Variants in NCEH1 observed in about 807,000 individuals in gnomAD.
NCEH1 encodes the protein 2-acetyl MAGE hydrolase.
Under a neutral mutation model 25.4 loss-of-function variants are expected in NCEH1, and 9 were observed. That is an observed-to-expected ratio of 0.35 (90% CI 0.21 to 0.62). The LOEUF is 0.62. NCEH1 is among the 20% of genes least tolerant of loss of function. The pLI is 0.72. For missense variants in NCEH1, 412 were observed against 501.1 expected, an observed-to-expected ratio of 0.82 and a Z score of 1.70; for synonymous variants, 200 against 199.8, an observed-to-expected ratio of 1.00 and a Z score of -0.01.
At chr3:172,674,443 CAAAAAAAAAAAAAA>C (rs146923940) in intron 1 of NCEH1, among the ~76,000 whole-genome samples, 2 of 71,038 alleles carry the variant, frequency 2.8e-5, no homozygotes, top group Non-Finnish European at 5.9e-5. Context: ...ACTCTGTCTC[CAAAAAAAAAAAAAA>C]AAAAAAAAAG....
At chr3:172,710,717 TCA>T in intron 1 of NCEH1, 128 bp downstream of exon 1, 1 of 1,014,622 alleles carries the variant, frequency 9.9e-7, no homozygotes, top group South Asian at 1.6e-5. Flanking sequence ...CTGGACCACC[TCA>T]AAAAGCGACA....
intron 3 of NCEH1, among the ~76,000 whole-genome samples, chr3:172,640,489 C>A (rs1202527327): frequency 1.3e-5 from 2 of 151,940 alleles, no homozygotes; most frequent in East Asian, 3.9e-4. Flanking sequence ...TCTTCCCTGC[C>A]CCCTTTATTT....
At chr3:172,694,560 C>T (rs1414885629) in intron 1 of NCEH1, among the ~76,000 whole-genome samples, 1 of 152,140 alleles carries the variant, frequency 6.6e-6, no homozygotes, top group Non-Finnish European at 1.5e-5. Context: ...GTCAAAACAT[C>T]AGTTTTGGAG....
chr3:172,688,623 G>A (rs915161806), intron 1 of NCEH1, among the ~76,000 whole-genome samples: 3 of 152,168 alleles, frequency 2.0e-5, no homozygotes, highest in South Asian at 2.1e-4. Flanking sequence ...TATAAGATAT[G>A]TATTTTTAAT....
chr3:172,684,598 C>A (rs544486295), intron 1 of NCEH1, among the ~76,000 whole-genome samples: 1 of 152,250 alleles, frequency 6.6e-6, no homozygotes, highest in Admixed American at 6.5e-5. Context: ...CATAAGGAGC[C>A]AATCGAAAGG....
chr3:172,688,433 A>G (rs1395924401), intron 1 of NCEH1, among the ~76,000 whole-genome samples: 2 of 151,438 alleles, frequency 1.3e-5, no homozygotes, highest in Non-Finnish European at 2.9e-5. Flanking sequence ...TCTTTTTAAG[A>G]TTTCTTTTCC....
At chr3:172,686,096 G>A (rs954129752) in intron 1 of NCEH1, among the ~76,000 whole-genome samples, 4 of 152,146 alleles carry the variant, frequency 2.6e-5, no homozygotes, top group African/African-American at 7.2e-5. Context: ...CCCAGCAGGC[G>A]GTGAGAAATT....
chr3:172,642,613 A>AG (rs1716905277), intron 3 of NCEH1, among the ~76,000 whole-genome samples: 2 of 151,384 alleles, frequency 1.3e-5, no homozygotes, highest in Non-Finnish European at 2.9e-5. Flanking sequence ...CAAAAAAAAA[A>AG]AAAAAAAAAA....
intron 1 of NCEH1, among the ~76,000 whole-genome samples, chr3:172,654,834 A>G (rs1055967384): frequency 5.3e-5 from 8 of 152,266 alleles, no homozygotes; most frequent in East Asian, 3.8e-4. Flanking sequence ...TCAGTCCATC[A>G]GCTTTTTAAT....
chr3:172,663,987 T>C (rs11717887), intron 1 of NCEH1, among the ~76,000 whole-genome samples: 51,274 of 152,100 alleles, frequency 0.34, 8,835 homozygotes, highest in South Asian at 0.38. Context: ...ATGTGTGAAT[T>C]TGATCCTGTC....
chr3:172,659,125 C>T (rs1268048878), intron 1 of NCEH1, among the ~76,000 whole-genome samples: 1 of 152,026 alleles, frequency 6.6e-6, no homozygotes, highest in Non-Finnish European at 1.5e-5. Flanking sequence ...TCAACCATCA[C>T]CCTCTATTGC....
At chr3:172,643,492 C>T (rs942137715) in intron 3 of NCEH1, among the ~76,000 whole-genome samples, 7 of 152,166 alleles carry the variant, frequency 4.6e-5, no homozygotes, top group Admixed American at 1.3e-4. Context: ...CTCATGCCTC[C>T]CATCTGGACA....
rs886371471 is a variant in NCEH1 at position 172,631,387 on chromosome 3, T to C, written c.*2088A>G. The C allele has an allele frequency of 4.6e-5, 7 of 152,540 alleles. No individual in the cohort carries two copies. The highest frequency in any genetic ancestry group is 1.4e-4 in the African/African-American group (6 of 41,454). 9.4% of individuals were successfully genotyped at this position (152,540 alleles called of 1,614,324 possible). ...GAATAAGAACTAAAATCCCATTTTT[T>C]TTTTTTAGGAAAAAAAGACCTTCGA... is the stretch of plus-strand genomic sequence containing the variant. On this transcript the variant is annotated 3_prime_UTR_variant, in exon 5 of 5. Transcript: ENST00000475381.
intron 1 of NCEH1, among the ~76,000 whole-genome samples, chr3:172,690,300 A>C (rs1576772849): frequency 6.6e-6 from 1 of 152,210 alleles, no homozygotes; most frequent in Non-Finnish European, 1.5e-5. Flanking sequence ...TGCTGGTGCA[A>C]AGTGATATGC....
At chr3:172,688,751 A>G (rs574820714) in intron 1 of NCEH1, among the ~76,000 whole-genome samples, 182 of 152,262 alleles carry the variant, frequency 1.2e-3, no homozygotes, top group Admixed American at 1.9e-3. Flanking sequence ...GTGTTACGAT[A>G]GGTGTCCAGT....
intron 1 of NCEH1, among the ~76,000 whole-genome samples, chr3:172,675,637 C>T (rs1006424388): frequency 3.9e-5 from 6 of 152,290 alleles, no homozygotes; most frequent in South Asian, 2.1e-4. Context: ...CATCCAATAA[C>T]GTATTTCTCT....
chr3:172,654,967 T>A (rs1437088224), intron 1 of NCEH1, among the ~76,000 whole-genome samples: 1 of 152,220 alleles, frequency 6.6e-6, no homozygotes, highest in African/African-American at 2.4e-5. Flanking sequence ...AATGTTCAAT[T>A]AAGAGATGGA....
At chr3:172,694,118 T>C (rs1244574025) in intron 1 of NCEH1, among the ~76,000 whole-genome samples, 1 of 152,086 alleles carries the variant, frequency 6.6e-6, no homozygotes, top group African/African-American at 2.4e-5. Flanking sequence ...GATCTCAAAC[T>C]CCTGGGCTCA....
Position 172,683,211 on chromosome 3 carries a change from A to G in NCEH1, c.138+27636T>C, listed in dbSNP as rs536785433. Among the ~76,000 whole-genome samples, 23 of 125,294 alleles carry G rather than the reference A, an allele frequency of 1.8e-4. 5 individuals are homozygous for G. Among genetic ancestry groups the G allele is most frequent in the African/African-American group, 3.2e-4 (10 of 31,184 alleles). 82.2% of individuals were successfully genotyped at this position (125,294 alleles called of 152,430 possible). On this transcript the variant is annotated intron_variant, in intron 1 of 4. Transcript: ENST00000475381. ...GAGGTCAGGAGATCGAGACCATCCC[A>G]GCTAAAACGGTGAAACCCCGTCTCT...
Sources: allele counts gnomAD v4.1 joint callset (sites outside exome capture counted in the v4.1 genomes callset), GRCh38; gene constraint gnomAD v4.1.1; transcripts MANE v1.5; gene names NCBI Gene and HGNC (gene_info 2026-07-23, HGNC 2026-07-21).